INHBC: variants seen among roughly 807,000 people sequenced by gnomAD.
INHBC encodes inhibin beta C chain.
INHBC carries 10 observed loss-of-function variants against 12.4 expected under a neutral mutation model. The ratio of observed to expected loss-of-function variants is 0.81; its 90% CI spans 0.50 to 1.37. INHBC has a LOEUF of 1.37. INHBC is among the 40% of genes most tolerant of loss of function. The pLI is 0.00. For synonymous variants in INHBC, 147 were observed against 171.6 expected (o/e 0.86, Z 1.12); for missense variants, 382 against 439.4 (o/e 0.87, Z 1.17).
At chr12:57,435,342 G>A in intron 1 of INHBC, 143 bp downstream of exon 1, 1 of 793,662 alleles carries the variant, frequency 1.3e-6, no homozygotes, top group Non-Finnish European at 2.0e-6. Flanking sequence ...TTACCCAGGT[G>A]TCCCGACAAC....
intron 1 of INHBC, among the ~76,000 whole-genome samples, chr12:57,443,601 C>CT (rs1427364215): frequency 2.0e-5 from 3 of 150,828 alleles, no homozygotes; most frequent in Admixed American, 6.6e-5. Flanking sequence ...ACATTTTTCA[C>CT]TTAAAAAAAA....
chr12:57,449,751 A>T lies in INHBC; in HGVS notation c.788A>T (p.Asp263Val). Residue 263 changes from aspartate (D) to valine (V), a missense_variant, in exon 2 of 2, where the codon GAC becomes GTC. By Grantham distance (152) the Asp-to-Val change is radical. Transcript: ENST00000309668. Reference sequence around the variant, plus strand: ...GACTTCCGTGAGATTGGCTGGCACGACTGGATCATCCAGCCTGAGGGCTAC... The same window carrying T: ...GACTTCCGTGAGATTGGCTGGCACGTCTGGATCATCCAGCCTGAGGGCTAC... ...FVDFREIGWH[D>V]WIIQPEGYAM... is the part of the protein sequence containing the mutation. The T allele has an allele frequency of 6.2e-7, 1 of 1,614,232 alleles. No homozygotes were observed.
chr12:57,448,732 A>C (rs1870641897), intron 1 of INHBC, among the ~76,000 whole-genome samples: 2 of 152,164 alleles, frequency 1.3e-5, no homozygotes, highest in African/African-American at 4.8e-5. Context: ...AACCAGGAAG[A>C]ATTATAACAG....
At chr12:57,435,915 C>T (rs1870326432) in intron 1 of INHBC, among the ~76,000 whole-genome samples, 1 of 151,172 alleles carries the variant, frequency 6.6e-6, no homozygotes, top group Admixed American at 6.6e-5. Flanking sequence ...GGCGTGATCT[C>T]GGCTCACTGC....
At chr12:57,445,710 G>A (rs1691655661) in intron 1 of INHBC, among the ~76,000 whole-genome samples, 1 of 125,144 alleles carries the variant, frequency 8.0e-6, no homozygotes, top group Non-Finnish European at 1.6e-5. Flanking sequence ...GTAACATAGT[G>A]AGACCCCCCG....
intron 1 of INHBC, among the ~76,000 whole-genome samples, chr12:57,443,354 A>G (rs935677658): frequency 1.1e-4 from 17 of 150,584 alleles, no homozygotes; most frequent in African/African-American, 4.2e-4. Flanking sequence ...GCATGATCTC[A>G]GCTCACCGCA....
intron 1 of INHBC, among the ~76,000 whole-genome samples, chr12:57,444,979 G>C (rs1342158101): frequency 6.6e-6 from 1 of 152,178 alleles, no homozygotes; most frequent in African/African-American, 2.4e-5. Context: ...ACCACGCCTG[G>C]CTGAAGCCTG....
intron 1 of INHBC, 32 bp downstream of exon 1, chr12:57,435,231 A>G (rs1265406162): frequency 6.4e-7 from 1 of 1,573,822 alleles, no homozygotes; most frequent in Non-Finnish European, 8.7e-7. Context: ...CTTCCCCAGA[A>G]CTTGACCCCT....
intron 1 of INHBC, among the ~76,000 whole-genome samples, chr12:57,440,415 C>T (rs1163563905): frequency 4.7e-5 from 7 of 147,994 alleles, no homozygotes. Context: ...TCACTGCAAC[C>T]TCTGCCTCCC....
chr12:57,439,173 C>T (rs372325308), intron 1 of INHBC, among the ~76,000 whole-genome samples: 1 of 152,228 alleles, frequency 6.6e-6, no homozygotes, highest in Non-Finnish European at 1.5e-5. Context: ...TACAAGTTCT[C>T]TACCTCCCAC....
intron 1 of INHBC, among the ~76,000 whole-genome samples, chr12:57,448,719 GA>G (rs529748671): frequency 2.0e-4 from 31 of 152,218 alleles, no homozygotes; most frequent in Non-Finnish European, 4.1e-4. Flanking sequence ...AGCCAGCAAA[GA>G]AAACCAGGAA....
intron 1 of INHBC, among the ~76,000 whole-genome samples, chr12:57,436,802 G>A (rs919850868): frequency 7.2e-5 from 11 of 151,898 alleles, no homozygotes; most frequent in African/African-American, 2.7e-4. Flanking sequence ...GAGTAGCTGG[G>A]GCTACAGGCG....
Position 57,435,122 on chromosome 12 carries a change from T to TCCA in INHBC, c.238_240dup (p.His80dup), listed in dbSNP as rs1485753863. The TCCA allele has an allele frequency of 6.2e-7, 1 of 1,614,014 alleles. No homozygotes were observed. The highest frequency in any genetic ancestry group is 8.5e-7 in the Non-Finnish European group (1 of 1,180,028). ...GCTTTGAGGACTGCACTGCAGCACC[T>TCCA]CCACGGGGTCCCACAGGGGGCACTT... is the stretch of plus-strand genomic sequence containing the variant. On this transcript the variant is annotated inframe_insertion, in exon 1 of 2. Coordinates refer to ENST00000309668, the MANE Select transcript of INHBC (RefSeq NM_005538.4).
intron 1 of INHBC, among the ~76,000 whole-genome samples, chr12:57,441,685 CTTTT>C (rs71084755): frequency 2.1e-5 from 3 of 141,730 alleles, no homozygotes; most frequent in Admixed American, 7.1e-5. Flanking sequence ...TCTCATGATT[CTTTT>C]TTTTTTTTTT....
Position 57,451,012 on chromosome 12 carries a change from G to A in INHBC, c.*990G>A, listed in dbSNP as rs1409664409. Among the ~76,000 whole-genome samples, 2 of 152,082 alleles carry A rather than the reference G, an allele frequency of 1.3e-5. No individual in the cohort carries two copies. The highest frequency in any genetic ancestry group is 2.9e-5 in the Non-Finnish European group (2 of 68,016). On this transcript the variant is annotated 3_prime_UTR_variant, in exon 2 of 2. Transcript: ENST00000309668. The stretch of plus-strand genomic sequence containing the variant: ...TCTATCTCCTACAAGGGCCCTAACT[G>A]GCACCCCAGATGACACAGAGCCTGC...
At chr12:57,446,916 T>C (rs1047295111) in intron 1 of INHBC, among the ~76,000 whole-genome samples, 4 of 151,110 alleles carry the variant, frequency 2.6e-5, no homozygotes, top group Non-Finnish European at 4.4e-5. Context: ...AAGGAGGGAG[T>C]GGTTAACTGT....
chr12:57,442,339 T>C (rs952912704), intron 1 of INHBC, among the ~76,000 whole-genome samples: 1 of 152,198 alleles, frequency 6.6e-6, no homozygotes, highest in Non-Finnish European at 1.5e-5. Context: ...GTGTTGGCCT[T>C]TGGGGCCAAC....
chr12:57,436,473 C>CTTT (rs71084754), intron 1 of INHBC, among the ~76,000 whole-genome samples: 6 of 104,754 alleles, frequency 5.7e-5, no homozygotes, highest in African/African-American at 1.4e-4. Flanking sequence ...TTTTCTTTTT[C>CTTT]TTTTTTTTTT....
chr12:57,448,567 TAAAAAAA>T (rs10577805), intron 1 of INHBC, among the ~76,000 whole-genome samples: 3 of 121,612 alleles, frequency 2.5e-5, no homozygotes, highest in African/African-American at 6.3e-5. Flanking sequence ...AGACTCCGTC[TAAAAAAA>T]AAAAAAAAAA....
Sources: allele counts gnomAD v4.1 joint callset (sites outside exome capture counted in the v4.1 genomes callset), GRCh38; gene constraint gnomAD v4.1.1; transcripts MANE v1.5; gene names NCBI Gene and HGNC (gene_info 2026-07-23, HGNC 2026-07-21).